INPP4B: variants seen among roughly 807,000 people sequenced by gnomAD.
The protein encoded by INPP4B is inositol polyphosphate-4-phosphatase type II B.
In INPP4B, 55 loss-of-function variants were observed where a neutral mutation model predicts 122.5. The observed-to-expected ratio is 0.45, with a 90% CI of 0.36 to 0.56. The LOEUF (loss-of-function observed/expected upper bound fraction) is 0.56, where lower values mean the gene tolerates loss of function less well. Among genes scored for constraint, INPP4B ranks in the 20% least tolerant of loss-of-function variants. The pLI is 0.00. For synonymous variants in INPP4B, 403 were observed against 388.7 expected, an observed-to-expected ratio of 1.04 and a Z score of -0.43; for missense variants, 1,000 against 1,097.7, an observed-to-expected ratio of 0.91 and a Z score of 1.26.
intron 7 of INPP4B, among the ~76,000 whole-genome samples, chr4:142,324,289 T>C (rs947977682): frequency 6.6e-6 from 1 of 152,090 alleles, no homozygotes; most frequent in Non-Finnish European, 1.5e-5. Flanking sequence ...TCTATGGTAT[T>C]ACTTATGCGT....
chr4:142,830,660 A>G (rs1782005029), intron 1 of INPP4B, among the ~76,000 whole-genome samples: 1 of 152,052 alleles, frequency 6.6e-6, no homozygotes, highest in Non-Finnish European at 1.5e-5. Flanking sequence ...AGGAGGAAAC[A>G]GGATTGAATG....
chr4:142,164,541 A>G (rs2152921391), intron 16 of INPP4B, among the ~76,000 whole-genome samples: 1 of 151,908 alleles, frequency 6.6e-6, no homozygotes, highest in African/African-American at 2.4e-5. Flanking sequence ...CCTAAAGGAA[A>G]GCATGTTAGA....
At chr4:142,143,673 T>C (rs867149834) in intron 18 of INPP4B, among the ~76,000 whole-genome samples, 1 of 152,220 alleles carries the variant, frequency 6.6e-6, no homozygotes, top group South Asian at 2.1e-4. Flanking sequence ...GGGGCAACTC[T>C]TCCTTACAAA....
intron 9 of INPP4B, among the ~76,000 whole-genome samples, chr4:142,293,332 G>C (rs1419386446): frequency 6.6e-6 from 1 of 151,938 alleles, no homozygotes; most frequent in Non-Finnish European, 1.5e-5. Context: ...TTTCTATTAA[G>C]CTTAAGTACA....
At position 142,290,396 on chromosome 4, in the gene INPP4B, T is replaced by G. The variant is rs953447516; in HGVS notation, c.503+15062A>C. The stretch of plus-strand genomic sequence containing the variant: ...TTTCTTTTTGTAGTTTTAGTAGAGA[T>G]GGGGTTTCACCATCTTGGTCAGGCT... On this transcript the variant is annotated intron_variant, in intron 9 of 25. Transcript: ENST00000262992. 2.0e-5 allele frequency among the ~76,000 whole-genome samples: 3 copies of G among 151,752 alleles called. No homozygotes were observed. In the East Asian group the frequency reaches 5.8e-4, roughly 30 times the overall value.
At chr4:142,567,388 A>G (rs759565984) in intron 2 of INPP4B, among the ~76,000 whole-genome samples, 9 of 152,160 alleles carry the variant, frequency 5.9e-5, no homozygotes, top group Non-Finnish European at 1.2e-4. Context: ...CACTAACTAC[A>G]ACTAGTCACT....
intron 2 of INPP4B, among the ~76,000 whole-genome samples, chr4:142,556,598 G>C (rs528942209): frequency 6.6e-6 from 1 of 152,256 alleles, no homozygotes; most frequent in South Asian, 2.1e-4. Flanking sequence ...CCCTGGGAAG[G>C]AAAGTCAGCT....
intron 2 of INPP4B, among the ~76,000 whole-genome samples, chr4:142,705,544 T>C (rs1762375426): frequency 2.0e-5 from 3 of 151,846 alleles, no homozygotes; most frequent in Non-Finnish European, 4.4e-5. Flanking sequence ...ATTACTTCTC[T>C]TCAGCCATTC....
intron 7 of INPP4B, among the ~76,000 whole-genome samples, chr4:142,373,742 T>C (rs1193772747): frequency 6.6e-6 from 1 of 152,026 alleles, no homozygotes; most frequent in Non-Finnish European, 1.5e-5. Context: ...ATTTAAAATA[T>C]AAATATAGAA....
At chr4:142,139,220 A>C (rs1806405606) in intron 18 of INPP4B, among the ~76,000 whole-genome samples, 1 of 152,158 alleles carries the variant, frequency 6.6e-6, no homozygotes, top group South Asian at 2.1e-4. Flanking sequence ...CAACCAATAC[A>C]AATTTAGTGT....
chr4:142,381,914 A>T (rs1334712471), intron 7 of INPP4B, among the ~76,000 whole-genome samples: 1 of 152,042 alleles, frequency 6.6e-6, no homozygotes, highest in Non-Finnish European at 1.5e-5. Flanking sequence ...TATTACAATT[A>T]AAAAAACTAT....
At chr4:142,732,665 G>T (rs1766280444) in intron 1 of INPP4B, among the ~76,000 whole-genome samples, 1 of 151,968 alleles carries the variant, frequency 6.6e-6, no homozygotes. Context: ...CTACAAAATA[G>T]TATTTAAAGG....
intron 9 of INPP4B, among the ~76,000 whole-genome samples, chr4:142,290,506 G>A (rs2150963592): frequency 6.6e-6 from 1 of 151,922 alleles, no homozygotes; most frequent in South Asian, 2.1e-4. Flanking sequence ...GTGCCCTGCT[G>A]GCCTTATTTC....
intron 17 of INPP4B, among the ~76,000 whole-genome samples, chr4:142,150,505 T>C (rs1813301145): frequency 6.6e-6 from 1 of 152,160 alleles, no homozygotes; most frequent in African/African-American, 2.4e-5. Flanking sequence ...GCCAAATTGG[T>C]GTATTTAACC....
intron 1 of INPP4B, among the ~76,000 whole-genome samples, chr4:142,764,225 T>A (rs1771755796): frequency 6.6e-6 from 1 of 152,120 alleles, no homozygotes; most frequent in African/African-American, 2.4e-5. Flanking sequence ...ACTTCGTAAG[T>A]AAAAACTCAC....
At chr4:142,538,029 T>G (rs1253236461) in intron 2 of INPP4B, among the ~76,000 whole-genome samples, 3 of 152,064 alleles carry the variant, frequency 2.0e-5, no homozygotes, top group African/African-American at 7.2e-5. Context: ...CTTTTATACC[T>G]TAAAAAATAA....
intron 1 of INPP4B, among the ~76,000 whole-genome samples, chr4:142,759,203 G>A (rs1770936264): frequency 6.6e-6 from 1 of 152,098 alleles, no homozygotes; most frequent in Non-Finnish European, 1.5e-5. Context: ...CCAATGTCTT[G>A]ACAAAGCCAA....
intron 18 of INPP4B, among the ~76,000 whole-genome samples, chr4:142,136,792 A>G (rs1804579731): frequency 6.6e-6 from 1 of 152,234 alleles, no homozygotes; most frequent in Admixed American, 6.5e-5. Flanking sequence ...AGTATAAGTT[A>G]TGACTATCTG....
rs76693101 is a variant in INPP4B, at chr4:142,596,417, C to G, written c.-191+129422G>C. On this transcript the variant is annotated intron_variant, in intron 2 of 25. Transcript: ENST00000262992. The stretch of plus-strand genomic sequence containing the variant: ...ACATATGAAGAAGCTCAGAATGAAG[C>G]CTTCAGTAGCTGGGCCAATTTGTCC... Among the ~76,000 whole-genome samples the G allele has an allele frequency of 2.3e-4, 35 of 152,206 alleles. 1 individual carries two copies. The East Asian group carries it at 6.0e-3, about 26-fold the overall frequency.
Sources: allele counts gnomAD v4.1 joint callset (sites outside exome capture counted in the v4.1 genomes callset), GRCh38; gene constraint gnomAD v4.1.1; transcripts MANE v1.5; gene names NCBI Gene and HGNC (gene_info 2026-07-23, HGNC 2026-07-21).